TET3: variants seen among roughly 807,000 people sequenced by gnomAD.
TET3 encodes tet methylcytosine dioxygenase 3.
In TET3, 19 loss-of-function variants were observed where a neutral mutation model predicts 141.4. The ratio of observed to expected loss-of-function variants is 0.13; its 90% CI spans 0.09 to 0.20. TET3 has a LOEUF of 0.20. TET3 is among the 10% of genes least tolerant of loss of function. The pLI is 1.00. For missense variants in TET3, 1,874 were observed against 2,356.9 expected (o/e 0.80, Z 4.24); for synonymous variants, 1,043 against 980.9 (o/e 1.06, Z -1.18).
chr2:73,986,860 G>A (rs999504728), intron 2 of TET3, among the ~76,000 whole-genome samples, 154 bp downstream of exon 2: 2 of 152,148 alleles, frequency 1.3e-5, no homozygotes, highest in African/African-American at 4.8e-5. Flanking sequence ...GACATGTTTG[G>A]ACTCCTTTGC....
rs978443224 is a variant in TET3 at position 74,104,953 on chromosome 2, A to G, written c.*2777A>G. On this transcript the variant is annotated 3_prime_UTR_variant, in exon 12 of 12. Coordinates refer to ENST00000409262, the MANE Select transcript of TET3 (RefSeq NM_001287491.2). ...TGCTCAAGCCCATGCTGATTTGTAC[A>G]CTACATGTCTAACCTACCTCAAATC... The G allele has an allele frequency of 1.0e-5, 4 of 387,070 alleles. No individual in the cohort carries two copies. Among genetic ancestry groups the G allele is most frequent in the Non-Finnish European group, 1.8e-5 (4 of 219,380 alleles). 24.0% of individuals were successfully genotyped at this position (387,070 alleles called of 1,614,324 possible).
intron 4 of TET3, among the ~76,000 whole-genome samples, chr2:74,073,270 G>A (rs766881127): frequency 8.5e-5 from 13 of 152,148 alleles, no homozygotes; most frequent in Non-Finnish European, 1.8e-4. Flanking sequence ...AATGGTAGGC[G>A]GAATCCCAAA....
intron 2 of TET3, among the ~76,000 whole-genome samples, chr2:73,988,990 G>GGTT (rs1684187846): frequency 9.4e-6 from 1 of 106,304 alleles, no homozygotes; most frequent in African/African-American, 3.7e-5. Flanking sequence ...AAAAAAAAAA[G>GGTT]TTTTTTTTGT....
chr2:74,134,707 A>G, the TET3 span: 1 of 456,750 alleles, frequency 2.2e-6, no homozygotes, highest in Non-Finnish European at 4.4e-6. Context: ...CTGGCGAGCC[A>G]GCTGCTGAAA....
intron 3 of TET3, among the ~76,000 whole-genome samples, chr2:74,036,797 AG>A (rs1452073217): frequency 1.3e-5 from 2 of 152,180 alleles, no homozygotes; most frequent in Non-Finnish European, 2.9e-5. Flanking sequence ...AACCCACATT[AG>A]TTACTGTTAG....
chr2:74,026,905 G>A (rs560449918), intron 3 of TET3, among the ~76,000 whole-genome samples: 1 of 152,138 alleles, frequency 6.6e-6, no homozygotes, highest in Non-Finnish European at 1.5e-5. Context: ...GCTCAGGGCT[G>A]TCCCAGCTTG....
chr2:74,031,132 G>A (rs574194157), intron 3 of TET3, among the ~76,000 whole-genome samples: 54 of 152,212 alleles, frequency 3.5e-4, no homozygotes, highest in African/African-American at 1.2e-3. Flanking sequence ...CAGGCTGAGC[G>A]GTGGGGCCTT....
chr2:73,996,734 C>T (rs558474399), intron 2 of TET3, among the ~76,000 whole-genome samples: 20 of 152,356 alleles, frequency 1.3e-4, no homozygotes, highest in African/African-American at 4.8e-4. Context: ...TCTTGAACTC[C>T]TGGACCTCAG....
At chr2:74,094,354 C>T (rs756760153) in intron 10 of TET3, among the ~76,000 whole-genome samples, 9 of 152,086 alleles carry the variant, frequency 5.9e-5, no homozygotes, top group Non-Finnish European at 1.0e-4. Flanking sequence ...AAGGGAGTAA[C>T]TTACTGCAAG....
intron 2 of TET3, among the ~76,000 whole-genome samples, chr2:73,989,496 C>G (rs891727554): frequency 1.8e-4 from 27 of 152,072 alleles, no homozygotes; most frequent in Non-Finnish European, 1.2e-4. Flanking sequence ...CTTGGGTTTT[C>G]CATCTTCTTT....
intron 4 of TET3, among the ~76,000 whole-genome samples, chr2:74,061,669 CT>C (rs1688585821): frequency 6.8e-6 from 1 of 146,128 alleles, no homozygotes; most frequent in Admixed American, 6.7e-5. Flanking sequence ...GACGGGGTGG[CT>C]GCCGGGCGGA....
In TET3 at chr2:73,986,017, A is replaced by C; in HGVS notation, c.-387A>C. On this transcript the variant is annotated 5_prime_UTR_variant, in exon 2 of 12. Transcript: ENST00000409262. ...TCTCCAGCGTCCAGACCCTGGAGGAAAAATACCAGGAGAAACTGCTCACTC... is the reference window on the plus strand; with the variant it reads ...TCTCCAGCGTCCAGACCCTGGAGGACAAATACCAGGAGAAACTGCTCACTC... The C allele has an allele frequency of 5.8e-6, 1 of 171,706 alleles. No homozygotes were observed. Among genetic ancestry groups the C allele is most frequent in the Non-Finnish European group, 1.2e-5 (1 of 81,562 alleles). The allele number at this position is 171,706 out of a possible 1,614,324, so 10.6% of individuals were successfully genotyped here.
intron 2 of TET3, among the ~76,000 whole-genome samples, chr2:73,991,068 C>G (rs1366187853): frequency 1.3e-5 from 2 of 151,966 alleles, no homozygotes; most frequent in South Asian, 2.1e-4. Flanking sequence ...CTTGGCCTCC[C>G]AAAGTGCTGG....
intron 3 of TET3, among the ~76,000 whole-genome samples, chr2:74,018,377 TTG>T (rs1200352598): frequency 6.6e-6 from 1 of 152,238 alleles, no homozygotes; most frequent in Non-Finnish European, 1.5e-5. Context: ...TTGTCTTTCA[TTG>T]TGTCTATCAT....
intron 8 of TET3, 74 bp downstream of exon 8, chr2:74,090,121 A>G: frequency 6.3e-7 from 1 of 1,580,124 alleles, no homozygotes; most frequent in South Asian, 1.1e-5. Context: ...AGCGGGAGGT[A>G]GTACTGGCAC....
intron 2 of TET3, among the ~76,000 whole-genome samples, chr2:73,989,407 C>G (rs1202961878): frequency 6.6e-6 from 1 of 152,192 alleles, no homozygotes. Context: ...CTGTCTCCAT[C>G]TCTCGTAGCT....
At chr2:74,021,808 T>G (rs2105247449) in intron 3 of TET3, among the ~76,000 whole-genome samples, 1 of 152,360 alleles carries the variant, frequency 6.6e-6, no homozygotes, top group African/African-American at 2.4e-5. Context: ...GTTTGGGGCT[T>G]CCAGTACTTG....
rs555524766 is a variant in TET3 at position 74,046,430 on chromosome 2, G to C, written c.513G>C (p.Gly171=). The C allele has an allele frequency of 1.4e-5, 23 of 1,595,556 alleles. No individual in the cohort carries two copies. The highest frequency in any genetic ancestry group is 1.1e-4 in the South Asian group (10 of 87,386). The change falls in exon 4 of 12, where the codon GGG becomes GGC. Residue 171 remains glycine (G), a synonymous_variant. Coordinates refer to ENST00000409262, the MANE Select transcript of TET3 (RefSeq NM_001287491.2). This position sits in a 1 kb window ranked among gnomAD's most constrained non-coding sequence, Gnocchi z 4.3. ...CTGGACCCAGTCTGCTGGGGACTGG[G>C]GGTCCTTGGCGGGTAGACCAAAAGC... ...EPAGPSLLGT[G]GPWRVDQKPD...
intron 4 of TET3, among the ~76,000 whole-genome samples, chr2:74,067,586 A>G (rs1464253605): frequency 6.6e-6 from 1 of 152,264 alleles, no homozygotes; most frequent in Non-Finnish European, 1.5e-5. Flanking sequence ...ACATGCCTCA[A>G]TAATTGACAT....
Sources: allele counts gnomAD v4.1 joint callset (sites outside exome capture counted in the v4.1 genomes callset), GRCh38; gene constraint gnomAD v4.1.1; non-coding constraint Gnocchi (gnomAD v3.1); transcripts MANE v1.5; gene names NCBI Gene and HGNC (gene_info 2026-07-23, HGNC 2026-07-21).